The following RPRD2 variants were observed in gnomAD, a reference collection of about 807,000 sequenced individuals.
RPRD2 encodes the protein regulation of nuclear pre-mRNA domain-containing protein 2.
Under a neutral mutation model 104.4 loss-of-function variants are expected in RPRD2, and 12 were observed. The observed-to-expected ratio is 0.11, with a 90% CI of 0.07 to 0.19. RPRD2 has a LOEUF of 0.19. Among genes scored for constraint, RPRD2 ranks in the 10% least tolerant of loss-of-function variants. The pLI is 1.00. For missense variants in RPRD2, 1,543 were observed against 1,790.1 expected (o/e 0.86, Z 2.49); for synonymous variants, 714 against 684.9 (o/e 1.04, Z -0.66).
intron 9 of RPRD2, among the ~76,000 whole-genome samples, chr1:150,463,352 T>TA (rs1553899250): frequency 3.9e-5 from 6 of 152,098 alleles, no homozygotes; most frequent in Non-Finnish European, 5.9e-5. Context: ...TAAATAAAAA[T>TA]AAAGTATTTT....
At chr1:150,411,298 T>G (rs1350847766) in intron 1 of RPRD2, among the ~76,000 whole-genome samples, 2 of 146,514 alleles carry the variant, frequency 1.4e-5, no homozygotes, top group Non-Finnish European at 3.0e-5. Flanking sequence ...CCGTTTCTAC[T>G]AAAAATACAA....
At position 150,418,309 on chromosome 1, in the gene RPRD2, G is replaced by T. The variant is rs116590524; in HGVS notation, c.335+584G>T. 8.4e-3 allele frequency among the ~76,000 whole-genome samples: 1,282 copies of T among 152,098 alleles called. 26 individuals carry two copies. The highest frequency in any genetic ancestry group is 0.03 in the African/African-American group (1,227 of 41,514). The stretch of plus-strand genomic sequence containing the variant: ...GCTCTCTCTTCTGTTTTCAAAAGCT[G>T]GTCTCCTGTTTATCCTTACTTGACC... On this transcript the variant is annotated intron_variant, in intron 2 of 10. Coordinates refer to ENST00000369068, the MANE Select transcript of RPRD2 (RefSeq NM_015203.5).
intron 7 of RPRD2, among the ~76,000 whole-genome samples, chr1:150,453,069 G>C (rs1667306373): frequency 6.8e-6 from 1 of 146,934 alleles, no homozygotes; most frequent in Non-Finnish European, 1.5e-5. Context: ...GCCTCGTGCT[G>C]TTGCCCAGGC....
chr1:150,445,167 G>A (rs887887587), intron 6 of RPRD2, among the ~76,000 whole-genome samples: 5 of 152,138 alleles, frequency 3.3e-5, no homozygotes, highest in Non-Finnish European at 5.9e-5. Context: ...GGTGACAGAA[G>A]AGACCGTCTC....
At position 150,364,819 on chromosome 1, in the gene RPRD2, C is replaced by T. The variant is rs782679519; in HGVS notation, c.105C>T (p.Thr35=). ...TGGATCGAAAATTCCAGTCGGTAACCAACACCATGGAGTCCATTCAAGGCT... is the reference window on the plus strand; with the variant it reads ...TGGATCGAAAATTCCAGTCGGTAACTAACACCATGGAGTCCATTCAAGGCT... ...SSLDRKFQSV[T]NTMESIQGLS... Residue 35 remains threonine, a synonymous_variant, in exon 1 of 11, where the codon ACC becomes ACT. Coordinates refer to ENST00000369068, the MANE Select transcript of RPRD2 (RefSeq NM_015203.5). The T allele has an allele frequency of 1.5e-5, 24 of 1,613,792 alleles. No individual in the cohort carries two copies. In the South Asian group the frequency reaches 2.5e-4, roughly 17 times the overall value.
At chr1:150,411,777 C>T (rs1663938193) in intron 1 of RPRD2, among the ~76,000 whole-genome samples, 1 of 95,996 alleles carries the variant, frequency 1.0e-5, no homozygotes, top group African/African-American at 5.0e-5. Flanking sequence ...GACGACAGAG[C>T]TAGACTGTCT....
chr1:150,443,848 TAAA>T (rs5777727), intron 5 of RPRD2, among the ~76,000 whole-genome samples: 16 of 145,218 alleles, frequency 1.1e-4, no homozygotes, highest in African/African-American at 1.0e-4. Flanking sequence ...TACTAAAAAT[TAAA>T]AAAAAAAAAA....
chr1:150,387,385 G>A (rs1553882019), intron 1 of RPRD2, among the ~76,000 whole-genome samples: 2 of 152,006 alleles, frequency 1.3e-5, no homozygotes, highest in African/African-American at 4.8e-5. Flanking sequence ...GGAAAGGAGA[G>A]AGGATCAGAA....
chr1:150,387,915 T>C lies in RPRD2; in HGVS notation c.205+22996T>C, dbSNP rs1368202142. Among the ~76,000 whole-genome samples the C allele has an allele frequency of 3.3e-4, 27 of 81,010 alleles. 1 individual carries two copies. The highest frequency in any genetic ancestry group is 9.3e-3 in the Middle Eastern group (2 of 214). 53.1% of individuals were successfully genotyped at this position (81,010 alleles called of 152,430 possible). On this transcript the variant is annotated intron_variant, in intron 1 of 10. Transcript: ENST00000369068. ...ATTTTTTTCTTTTTTTCTTTTCTCTTTTTTTTTTTTTTTTTTTGAGACAGT... is the reference window on the plus strand; with the variant it reads ...ATTTTTTTCTTTTTTTCTTTTCTCTCTTTTTTTTTTTTTTTTTGAGACAGT...
In RPRD2 at chr1:150,474,179, G is replaced by C. The variant is rs1355421567; in HGVS notation, c.*845G>C. ...CTCCCTCAGTTTTTCTTCTGCTGTG[G>C]CCAGAAAGACAGTCACTACAGTTGA... On this transcript the variant is annotated 3_prime_UTR_variant, in exon 11 of 11. Transcript: ENST00000369068. 4 of 152,010 alleles carry C rather than the reference G, an allele frequency of 2.6e-5. No homozygotes were observed. Among genetic ancestry groups the C allele is most frequent in the African/African-American group, 9.7e-5 (4 of 41,376 alleles). 9.4% of individuals were successfully genotyped at this position (152,010 alleles called of 1,614,324 possible).
intron 6 of RPRD2, among the ~76,000 whole-genome samples, chr1:150,445,945 G>A (rs1400730277): frequency 6.6e-6 from 1 of 152,060 alleles, no homozygotes; most frequent in Non-Finnish European, 1.5e-5. Context: ...GCAGGCGCCT[G>A]TAGTCCCAGC....
chr1:150,403,106 G>A (rs782794879), intron 1 of RPRD2, among the ~76,000 whole-genome samples: 2 of 152,134 alleles, frequency 1.3e-5, no homozygotes, highest in Non-Finnish European at 2.9e-5. Context: ...TGAAATAAAT[G>A]TACCAACCTA....
intron 1 of RPRD2, among the ~76,000 whole-genome samples, chr1:150,376,046 A>G (rs192247985): frequency 1.1e-4 from 17 of 152,354 alleles, no homozygotes; most frequent in East Asian, 3.9e-4. Flanking sequence ...AGAAAAGGCA[A>G]CAATTCCATC....
chr1:150,369,268 C>T (rs1660081989), intron 1 of RPRD2, among the ~76,000 whole-genome samples: 1 of 151,520 alleles, frequency 6.6e-6, no homozygotes, highest in Admixed American at 6.6e-5. Context: ...GTACTTCGTT[C>T]TTCTTTCTCT....
chr1:150,411,088 T>C (rs1226433923), intron 1 of RPRD2, among the ~76,000 whole-genome samples: 1 of 152,172 alleles, frequency 6.6e-6, no homozygotes, highest in Admixed American at 6.5e-5. Flanking sequence ...ACCAACCTCA[T>C]AGAATTGTGG....
chr1:150,406,677 G>T (rs1663502295), intron 1 of RPRD2, among the ~76,000 whole-genome samples: 1 of 152,100 alleles, frequency 6.6e-6, no homozygotes, highest in Non-Finnish European at 1.5e-5. Context: ...GGTATTACAG[G>T]AATGCGCCAC....
chr1:150,454,701 A>G (rs1216196089), intron 7 of RPRD2, among the ~76,000 whole-genome samples: 1 of 152,098 alleles, frequency 6.6e-6, no homozygotes, highest in Non-Finnish European at 1.5e-5. Context: ...TACAAAAATT[A>G]GCCAGGAGTG....
At chr1:150,411,195 C>T (rs1663868859) in intron 1 of RPRD2, among the ~76,000 whole-genome samples, 1 of 152,182 alleles carries the variant, frequency 6.6e-6, no homozygotes, top group African/African-American at 2.4e-5. Flanking sequence ...CGCAGTGGCT[C>T]ATGCCTGTAA....
Position 150,441,036 on chromosome 1 carries a change from T to C in RPRD2, c.436+13T>C. The C allele has an allele frequency of 7.0e-7, 1 of 1,422,216 alleles. No homozygotes were observed. The highest frequency in any genetic ancestry group is 9.6e-7 in the Non-Finnish European group (1 of 1,038,974). 88.1% of individuals were successfully genotyped at this position (1,422,216 alleles called of 1,614,324 possible). A position where few individuals can be genotyped will look rare whatever the true frequency, so the allele number is the denominator to read the frequency against. ...AGAGAAGCTTTGAGTAAGTGTCTTT[T>C]TCTCTCCTAAAAGAAAATTTTTGAG... On this transcript the variant is annotated intron_variant, in intron 3 of 10. Transcript: ENST00000369068.
Sources: allele counts gnomAD v4.1 joint callset (sites outside exome capture counted in the v4.1 genomes callset), GRCh38; gene constraint gnomAD v4.1.1; transcripts MANE v1.5; gene names NCBI Gene and HGNC (gene_info 2026-07-23, HGNC 2026-07-21).